TRIO: variants seen among roughly 807,000 people sequenced by gnomAD.
The protein encoded by TRIO is trio Rho guanine nucleotide exchange factor.
TRIO carries 58 observed loss-of-function variants against 351.9 expected under a neutral mutation model. That is an observed-to-expected ratio of 0.16 (90% CI 0.13 to 0.21). The LOEUF is 0.21. Among genes scored for constraint, TRIO ranks in the 10% least tolerant of loss-of-function variants. TRIO has a pLI of 1.00. For synonymous variants in TRIO, 1,758 were observed against 1,595.7 expected, an observed-to-expected ratio of 1.10 and a Z score of -2.42; for missense variants, 3,201 against 4,027.8, an observed-to-expected ratio of 0.79 and a Z score of 5.56.
At chr5:14,219,898 G>A (rs1384591688) in intron 1 of TRIO, among the ~76,000 whole-genome samples, 1 of 150,444 alleles carries the variant, frequency 6.6e-6, no homozygotes, top group African/African-American at 2.4e-5. Context: ...AAATATCAGA[G>A]TTCATTGCAC....
rs753996521 is a variant in TRIO at position 14,491,095 on chromosome 5, A to G, written c.7633-1472A>G. 4.6e-5 allele frequency among the ~76,000 whole-genome samples: 7 copies of G among 152,148 alleles called. No homozygotes were observed. In the East Asian group the frequency reaches 1.2e-3, roughly 25 times the overall value. Reference sequence around the variant, plus strand: ...AGCACCGCCATGTTTTTAAGTATGCACCACAGGTCTAGATTCATAGCCCTG... The same window carrying G: ...AGCACCGCCATGTTTTTAAGTATGCGCCACAGGTCTAGATTCATAGCCCTG... On this transcript the variant is annotated intron_variant, in intron 48 of 56. Coordinates refer to ENST00000344204, the MANE Select transcript of TRIO (RefSeq NM_007118.4).
intron 1 of TRIO, among the ~76,000 whole-genome samples, chr5:14,192,914 G>C (rs1790542675): frequency 6.6e-6 from 1 of 152,240 alleles, no homozygotes; most frequent in African/African-American, 2.4e-5. Flanking sequence ...AAGTTAATAA[G>C]AGTGATTACA....
chr5:14,431,978 C>T (rs974801083), intron 34 of TRIO, among the ~76,000 whole-genome samples: 1 of 152,200 alleles, frequency 6.6e-6, no homozygotes, highest in Non-Finnish European at 1.5e-5. Flanking sequence ...CTTAAAAGAC[C>T]TTGTTTCCAA....
chr5:14,220,013 A>C (rs1792496480), intron 1 of TRIO, among the ~76,000 whole-genome samples: 1 of 141,368 alleles, frequency 7.1e-6, no homozygotes, highest in Non-Finnish European at 1.6e-5. Flanking sequence ...TTGTACAGAT[A>C]CTGCGGGGTT....
At chr5:14,212,930 T>G (rs965429750) in intron 1 of TRIO, among the ~76,000 whole-genome samples, 4 of 152,228 alleles carry the variant, frequency 2.6e-5, no homozygotes, top group Non-Finnish European at 5.9e-5. Flanking sequence ...GTTTGCCTGA[T>G]GAAAACACTG....
intron 33 of TRIO, among the ~76,000 whole-genome samples, chr5:14,414,251 G>A (rs1579585816): frequency 6.6e-6 from 1 of 152,200 alleles, no homozygotes. Flanking sequence ...CGGCACCTCC[G>A]GCATTTCTCA....
chr5:14,502,101 G>T lies in TRIO; in HGVS notation c.8333-478G>T, dbSNP rs73749287. Among the ~76,000 whole-genome samples the T allele has an allele frequency of 4.3e-3, 656 of 152,280 alleles. 10 individuals carry two copies. Among genetic ancestry groups the T allele is most frequent in the African/African-American group, 0.015 (639 of 41,548 alleles). On this transcript the variant is annotated intron_variant, in intron 53 of 56. Transcript: ENST00000344204. ...CTGTGGACGTTAAGTAAATACTGTGGACTCTTGATCTCTCACGGCTGTGAA... is the reference window on the plus strand; with the variant it reads ...CTGTGGACGTTAAGTAAATACTGTGTACTCTTGATCTCTCACGGCTGTGAA...
intron 34 of TRIO, among the ~76,000 whole-genome samples, chr5:14,425,051 TA>T (rs1451412223): frequency 1.3e-5 from 2 of 152,222 alleles, no homozygotes; most frequent in African/African-American, 4.8e-5. Flanking sequence ...CCACAGTTTT[TA>T]AAAACTGGTA....
intron 1 of TRIO, among the ~76,000 whole-genome samples, chr5:14,234,665 C>T (rs973667407): frequency 2.6e-5 from 4 of 152,140 alleles, no homozygotes; most frequent in African/African-American, 7.2e-5. Context: ...TAAAGGGAAG[C>T]CTTGTAATGC....
intron 7 of TRIO, 171 bp downstream of exon 7, chr5:14,297,434 C>T (rs1301325461): frequency 2.3e-5 from 17 of 740,008 alleles, no homozygotes; most frequent in Middle Eastern, 4.1e-4. Flanking sequence ...GTCCTTGCTG[C>T]GTAACCTTAG....
chr5:14,504,620 G>C (rs1409693903), intron 55 of TRIO, 27 bp downstream of exon 55: 15 of 1,610,002 alleles, frequency 9.3e-6, no homozygotes, highest in African/African-American at 1.3e-5. Flanking sequence ...CCTTCCCTCT[G>C]CCCAGCCCTC....
At chr5:14,393,968 G>C (rs538223107) in intron 27 of TRIO, 70 bp from the exon 28 acceptor site, 1 of 971,298 alleles carries the variant, frequency 1.0e-6, no homozygotes, top group Non-Finnish European at 1.6e-6. Context: ...GAAAAGTAAT[G>C]TGTTTTATGG....
rs112343877 is a variant in TRIO, at chr5:14,292,980, G to A, written c.1054-32G>A. Reference sequence around the variant, plus strand: ...TGTGTCAGTAATTTCTCTTTCTGGAGTGATTGCGGGTTGTCTTTTTCCTTC... The same window carrying A: ...TGTGTCAGTAATTTCTCTTTCTGGAATGATTGCGGGTTGTCTTTTTCCTTC... On this transcript the variant is annotated intron_variant, in intron 5 of 56. Transcript: ENST00000344204. 5.6e-5 allele frequency: 91 copies of A among 1,613,680 alleles called. No homozygotes were observed. In the African/African-American group the frequency reaches 1.1e-3, roughly 19 times the overall value.
chr5:14,374,150 T>G, intron 18 of TRIO, 79 bp from the exon 19 acceptor site: 1 of 983,946 alleles, frequency 1.0e-6, no homozygotes, highest in Non-Finnish European at 1.6e-6. Flanking sequence ...AGACATACGT[T>G]AGAGTGCAGT....
At position 14,443,932 on chromosome 5, in the gene TRIO, A is replaced by G. The variant is rs1752250327; in HGVS notation, c.5204-17087A>G. Reference sequence around the variant, plus strand: ...CATTCTGAAATCAGTATTCCCTTTTATAGGACAGATGGAATCTATTCCAGT... The same window carrying G: ...CATTCTGAAATCAGTATTCCCTTTTGTAGGACAGATGGAATCTATTCCAGT... On this transcript the variant is annotated intron_variant, in intron 34 of 56. Coordinates refer to ENST00000344204, the MANE Select transcript of TRIO (RefSeq NM_007118.4). Among the ~76,000 whole-genome samples the G allele has an allele frequency of 2.6e-5, 4 of 152,220 alleles. No individual in the cohort carries two copies. The South Asian group carries it at 8.3e-4, about 31-fold the overall frequency.
Position 14,291,288 on chromosome 5 carries a change from C to T in TRIO, c.1053+60C>T, listed in dbSNP as rs1166375597. ...TGGGGGAAGCCAGCGCTGGTGGGTT[C>T]GGGTGGAAGGAAAGAGAAAAGGTGG... On this transcript the variant is annotated intron_variant, in intron 5 of 56. Transcript: ENST00000344204. The T allele has an allele frequency of 1.8e-5, 28 of 1,548,936 alleles. 1 individual carries two copies. Among genetic ancestry groups the T allele is most frequent in the South Asian group, 6.1e-5 (5 of 81,880 alleles).
At chr5:14,309,053 C>A (rs1439393081) in intron 8 of TRIO, among the ~76,000 whole-genome samples, 1 of 151,214 alleles carries the variant, frequency 6.6e-6, no homozygotes, top group African/African-American at 2.4e-5. Context: ...ATTCATTTAT[C>A]TATCTACCCA....
chr5:14,342,571 C>CA (rs1742036393), intron 11 of TRIO, among the ~76,000 whole-genome samples: 1 of 152,208 alleles, frequency 6.6e-6, no homozygotes, highest in Admixed American at 6.5e-5. Flanking sequence ...CCACAGAACA[C>CA]AGTCATTTTC....
intron 7 of TRIO, 85 bp from the exon 8 acceptor site, chr5:14,304,376 C>G: frequency 1.4e-6 from 2 of 1,427,330 alleles, no homozygotes; most frequent in Non-Finnish European, 9.5e-7. Context: ...CTCAAGTCCC[C>G]TAATTTTCAA....
Sources: gnomAD v4.1 joint callset for allele counts (sites outside exome capture counted in the v4.1 genomes callset) on GRCh38, gnomAD v4.1.1 for gene constraint, MANE v1.5 for transcripts, NCBI Gene and HGNC (gene_info 2026-07-23, HGNC 2026-07-21) for gene names.